OSBPL8: variants seen among roughly 807,000 people sequenced by gnomAD.
OSBPL8 encodes oxysterol-binding protein-related protein 8.
Under a neutral mutation model 125.5 loss-of-function variants are expected in OSBPL8, and 59 were observed. The observed-to-expected ratio is 0.47, with a 90% confidence interval of 0.38 to 0.58. The LOEUF is 0.58. Ranked by LOEUF, OSBPL8 falls within the 20% of genes least tolerant of loss-of-function variation. OSBPL8 has a pLI of 0.00. For synonymous variants in OSBPL8, 330 were observed against 338.9 expected (o/e 0.97, Z 0.29); for missense variants, 758 against 1,047.8 (o/e 0.72, Z 3.82).
chr12:76,404,940 CAA>C (rs1457850573), intron 5 of OSBPL8, among the ~76,000 whole-genome samples: 2 of 152,100 alleles, frequency 1.3e-5, no homozygotes, highest in African/African-American at 4.8e-5. Flanking sequence ...ATACTCAAAG[CAA>C]ACTTAGGAGA....
chr12:76,437,761 A>G (rs371274025), intron 4 of OSBPL8, among the ~76,000 whole-genome samples: 3 of 152,184 alleles, frequency 2.0e-5, no homozygotes, highest in Non-Finnish European at 4.4e-5. Context: ...CACTGGAAAA[A>G]TGTTGAATTT....
intron 1 of OSBPL8, among the ~76,000 whole-genome samples, chr12:76,509,006 T>A (rs1880710891): frequency 6.6e-6 from 1 of 152,232 alleles, no homozygotes; most frequent in African/African-American, 2.4e-5. Context: ...CACTTTACTC[T>A]ATGAATTCAC....
chr12:76,382,801 T>C (rs1413809910), intron 15 of OSBPL8, among the ~76,000 whole-genome samples: 1 of 152,186 alleles, frequency 6.6e-6, no homozygotes, highest in Non-Finnish European at 1.5e-5. Flanking sequence ...GAGAATAGCT[T>C]GAACCCGGGA....
At chr12:76,519,843 G>A (rs1257324399) in intron 1 of OSBPL8, among the ~76,000 whole-genome samples, 3 of 152,134 alleles carry the variant, frequency 2.0e-5, no homozygotes, top group African/African-American at 7.2e-5. Flanking sequence ...TCACCAAGGA[G>A]ATGGCGCTAA....
At chr12:76,515,905 C>T (rs977356100) in intron 1 of OSBPL8, among the ~76,000 whole-genome samples, 1 of 152,132 alleles carries the variant, frequency 6.6e-6, no homozygotes, top group Non-Finnish European at 1.5e-5. Flanking sequence ...CCCCCCCACT[C>T]CCACAATGTG....
intron 2 of OSBPL8, among the ~76,000 whole-genome samples, chr12:76,482,412 G>A (rs1412553039): frequency 1.3e-5 from 2 of 152,126 alleles, no homozygotes; most frequent in Admixed American, 6.5e-5. Context: ...TCGGGAGTTC[G>A]AGACCAGCCT....
intron 12 of OSBPL8, among the ~76,000 whole-genome samples, chr12:76,389,132 T>C (rs887219871): frequency 3.3e-5 from 5 of 152,074 alleles, no homozygotes; most frequent in African/African-American, 1.2e-4. Context: ...TTCTTCAAAA[T>C]TACACCCAGG....
At chr12:76,539,290 C>T (rs1049264114) in intron 1 of OSBPL8, among the ~76,000 whole-genome samples, 1 of 151,942 alleles carries the variant, frequency 6.6e-6, no homozygotes, top group Non-Finnish European at 1.5e-5. Context: ...TTTAATAAAA[C>T]CCTATGCAGA....
At chr12:76,395,963 T>C (rs1269349741) in intron 8 of OSBPL8, among the ~76,000 whole-genome samples, 1 of 151,358 alleles carries the variant, frequency 6.6e-6, no homozygotes, top group African/African-American at 2.4e-5. Flanking sequence ...AAATTTATTT[T>C]AATGCTTGCA....
chr12:76,500,934 G>A (rs1373734998), intron 1 of OSBPL8, among the ~76,000 whole-genome samples: 1 of 152,132 alleles, frequency 6.6e-6, no homozygotes, highest in Non-Finnish European at 1.5e-5. Flanking sequence ...CATATAAGCA[G>A]TTCAGTTACT....
At chr12:76,433,075 T>A (rs911334824) in intron 4 of OSBPL8, among the ~76,000 whole-genome samples, 1 of 152,194 alleles carries the variant, frequency 6.6e-6, no homozygotes, top group Non-Finnish European at 1.5e-5. Context: ...AAGAAACTTA[T>A]GTAAACACAA....
At chr12:76,390,970 G>A (rs758143195) in intron 10 of OSBPL8, among the ~76,000 whole-genome samples, 10 of 152,036 alleles carry the variant, frequency 6.6e-5, no homozygotes, top group Non-Finnish European at 1.0e-4. Flanking sequence ...CAAGAGTTTA[G>A]ACTTCTTGTT....
chr12:76,361,439 C>T (rs1391036754), intron 21 of OSBPL8, among the ~76,000 whole-genome samples: 3 of 152,216 alleles, frequency 2.0e-5, no homozygotes, highest in African/African-American at 7.2e-5. Flanking sequence ...AACTTTCCCA[C>T]ATTTTCCTGT....
chr12:76,441,616 G>A (rs1232298612), intron 4 of OSBPL8, among the ~76,000 whole-genome samples: 1 of 151,984 alleles, frequency 6.6e-6, no homozygotes. Context: ...AAAGAGCTAA[G>A]AAACGAGTAC....
At position 76,354,169 on chromosome 12, in the gene OSBPL8, A is replaced by C. The variant is rs1015250494; in HGVS notation, c.*1720T>G. On this transcript the variant is annotated 3_prime_UTR_variant, in exon 24 of 24. Transcript: ENST00000261183. ...CAAAAATTATATTGACAAATATAAAATATAACCAAAAACCCATTTGTTCTA... is the reference window on the plus strand; with the variant it reads ...CAAAAATTATATTGACAAATATAAACTATAACCAAAAACCCATTTGTTCTA... The C allele has an allele frequency of 6.6e-6, 1 of 152,424 alleles. No homozygotes were observed. The highest frequency in any genetic ancestry group is 2.4e-5 in the African/African-American group (1 of 41,466). The allele number at this position is 152,424 out of a possible 1,614,324, so 9.4% of individuals were successfully genotyped here. A position where few individuals can be genotyped will look rare whatever the true frequency, so the allele number is the denominator to read the frequency against.
At chr12:76,435,505 C>T (rs1383995545) in intron 4 of OSBPL8, among the ~76,000 whole-genome samples, 1 of 152,024 alleles carries the variant, frequency 6.6e-6, no homozygotes, top group Non-Finnish European at 1.5e-5. Context: ...GTATTAAATA[C>T]TTGAAATTTG....
chr12:76,448,189 T>C (rs781194220), intron 4 of OSBPL8, among the ~76,000 whole-genome samples: 1 of 152,140 alleles, frequency 6.6e-6, no homozygotes. Context: ...CCTAAATAAA[T>C]GAAACAAACA....
intron 1 of OSBPL8, among the ~76,000 whole-genome samples, chr12:76,509,111 C>T (rs1332632213): frequency 6.6e-6 from 1 of 152,180 alleles, no homozygotes; most frequent in Non-Finnish European, 1.5e-5. Context: ...CAAAGCAGTA[C>T]CTTTTCTATG....
In OSBPL8 at chr12:76,482,614, A is replaced by G. The variant is rs1262044516; in HGVS notation, c.42+4896T>C. Reference sequence around the variant, plus strand: ...GGCAACAAGAGCGAAACTCCGTTTCAAAAAAAAAAAATCAAGATAGAGTGA... The same window carrying G: ...GGCAACAAGAGCGAAACTCCGTTTCGAAAAAAAAAAATCAAGATAGAGTGA... On this transcript the variant is annotated intron_variant, in intron 2 of 23. Coordinates refer to ENST00000261183, the MANE Select transcript of OSBPL8 (RefSeq NM_020841.5). 3.0e-5 allele frequency among the ~76,000 whole-genome samples: 3 copies of G among 100,978 alleles called. No homozygotes were observed. The South Asian group carries it at 1.1e-3, about 36-fold the overall frequency. The allele number at this position is 100,978 out of a possible 152,430, so 66.2% of individuals were successfully genotyped here.
Sources: gnomAD v4.1 joint callset for allele counts (sites outside exome capture counted in the v4.1 genomes callset) on GRCh38, gnomAD v4.1.1 for gene constraint, MANE v1.5 for transcripts, NCBI Gene and HGNC (gene_info 2026-07-23, HGNC 2026-07-21) for gene names.